The following SMPD3 variants were observed in gnomAD, a reference collection of about 807,000 sequenced individuals.
SMPD3 encodes the protein nSMase-2.
A neutral mutation model predicts 55.7 loss-of-function variants in SMPD3; 21 were observed. The ratio of observed to expected loss-of-function variants is 0.38; its 90% CI spans 0.27 to 0.54. The LOEUF is 0.54. Ranked by LOEUF, SMPD3 falls within the 20% of genes least tolerant of loss-of-function variation. The pLI is 0.80. For synonymous variants in SMPD3, 457 were observed against 404.3 expected (o/e 1.13, Z -1.56); for missense variants, 842 against 899.6 (o/e 0.94, Z 0.82).
chr16:68,372,502 G>C, intron 2 of SMPD3, 115 bp from the exon 3 acceptor site: 1 of 429,920 alleles, frequency 2.3e-6, no homozygotes. Context: ...GAGTGGGACA[G>C]TTCTGAGAAC....
intron 2 of SMPD3, among the ~76,000 whole-genome samples, chr16:68,379,146 C>T (rs1202514209): frequency 1.3e-5 from 2 of 152,260 alleles, no homozygotes; most frequent in African/African-American, 2.4e-5. Context: ...TGTGGCTCCC[C>T]GTTGACGTCC....
intron 1 of SMPD3, among the ~76,000 whole-genome samples, chr16:68,392,776 C>T (rs375233177): frequency 7.7e-6 from 1 of 130,690 alleles, no homozygotes; most frequent in African/African-American, 3.0e-5. Context: ...CACACTTGAG[C>T]CCAGGAGGCG....
At chr16:68,381,352 C>G (rs1214247629) in intron 2 of SMPD3, among the ~76,000 whole-genome samples, 1 of 152,200 alleles carries the variant, frequency 6.6e-6, no homozygotes, top group Non-Finnish European at 1.5e-5. Flanking sequence ...CAGCTCAGGC[C>G]CAACCAAGGG....
chr16:68,433,231 G>A (rs767047673), intron 1 of SMPD3, among the ~76,000 whole-genome samples: 8 of 152,168 alleles, frequency 5.3e-5, no homozygotes, highest in South Asian at 2.1e-4. Context: ...TGATTCTTTC[G>A]TAAGAACCTT....
chr16:68,402,500 G>T (rs1183054978), intron 1 of SMPD3, among the ~76,000 whole-genome samples: 1 of 152,180 alleles, frequency 6.6e-6, no homozygotes, highest in African/African-American at 2.4e-5. Flanking sequence ...GTGGTGGAAG[G>T]CGTGGTGACT....
chr16:68,380,907 T>G (rs1218963783), intron 2 of SMPD3, among the ~76,000 whole-genome samples: 1 of 152,180 alleles, frequency 6.6e-6, no homozygotes, highest in Non-Finnish European at 1.5e-5. Context: ...ACACGATGTG[T>G]AGGCATTTCA....
chr16:68,367,007 CAA>C (rs35797796), intron 3 of SMPD3, among the ~76,000 whole-genome samples: 80,322 of 129,218 alleles, frequency 0.62, 23,397 homozygotes, highest in Admixed American at 0.67. Flanking sequence ...GACTCTGTCT[CAA>C]AAAAAAAAAA....
At chr16:68,364,638 T>C (rs1382786164) in intron 5 of SMPD3, 113 bp downstream of exon 5, 1 of 1,236,768 alleles carries the variant, frequency 8.1e-7, no homozygotes. Context: ...CCCGCCCACA[T>C]GCTCTCGAGG....
intron 1 of SMPD3, among the ~76,000 whole-genome samples, chr16:68,422,844 G>A (rs1416303541): frequency 6.6e-5 from 10 of 152,130 alleles, no homozygotes; most frequent in Admixed American, 6.5e-4. Flanking sequence ...GTTAAAGTGA[G>A]GAGGTTAATG....
At chr16:68,413,171 G>A (rs1020219448) in intron 1 of SMPD3, among the ~76,000 whole-genome samples, 1 of 152,254 alleles carries the variant, frequency 6.6e-6, no homozygotes, top group Non-Finnish European at 1.5e-5. Context: ...TTTCGGTGAT[G>A]TTTTCCAGGG....
At chr16:68,415,874 G>C (rs995015288) in intron 1 of SMPD3, among the ~76,000 whole-genome samples, 5 of 148,164 alleles carry the variant, frequency 3.4e-5, no homozygotes, top group Admixed American at 1.4e-4. Flanking sequence ...GACATATTCT[G>C]CCTCACAAAG....
At chr16:68,396,289 C>T (rs1191836808) in intron 1 of SMPD3, among the ~76,000 whole-genome samples, 2 of 152,142 alleles carry the variant, frequency 1.3e-5, no homozygotes, top group East Asian at 3.9e-4. Context: ...TCTCCCTCTA[C>T]CCCCAGGATC....
At chr16:68,410,990 C>T (rs1471173277) in intron 1 of SMPD3, among the ~76,000 whole-genome samples, 1 of 152,232 alleles carries the variant, frequency 6.6e-6, no homozygotes, top group Non-Finnish European at 1.5e-5. Flanking sequence ...AATGGGCGGG[C>T]ATCATCAGCT....
chr16:68,408,592 T>C (rs1358316359), intron 1 of SMPD3, among the ~76,000 whole-genome samples: 1 of 152,252 alleles, frequency 6.6e-6, no homozygotes, highest in East Asian at 1.9e-4. Flanking sequence ...AGCATATTGC[T>C]GAATGAATCA....
At chr16:68,414,241 C>A (rs1483593521) in intron 1 of SMPD3, among the ~76,000 whole-genome samples, 1 of 152,220 alleles carries the variant, frequency 6.6e-6, no homozygotes, top group African/African-American at 2.4e-5. Flanking sequence ...TGAAGCTGAG[C>A]AAGAGAAGGG....
At chr16:68,386,815 C>T (rs891453987) in intron 1 of SMPD3, among the ~76,000 whole-genome samples, 156 bp from the exon 2 acceptor site, 12 of 152,288 alleles carry the variant, frequency 7.9e-5, no homozygotes, top group South Asian at 2.1e-4. Context: ...GTCGCCAGGG[C>T]GAGGGTGTGT....
chr16:68,379,245 A>G (rs950264252), intron 2 of SMPD3, among the ~76,000 whole-genome samples: 1 of 152,210 alleles, frequency 6.6e-6, no homozygotes, highest in Non-Finnish European at 1.5e-5. Context: ...ATCCCTTGGG[A>G]GACCACAGTG....
At position 68,361,711 on chromosome 16, in the gene SMPD3, G is replaced by T. The variant is rs1164745755; in HGVS notation, c.1758C>A (p.Thr586=). ...EGRREYLAFP[T]SKSSGQKGRK... is the part of the protein sequence containing the mutation. ...GCCCCTTCTGGCCCGAGCTCTTGCT[G>T]GTGGGAAACGCCAGGTACTCCCTGC... is the stretch of plus-strand genomic sequence containing the variant. The change falls in exon 8 of 9, where the codon ACC becomes ACA. Residue 586 remains threonine (T), a synonymous_variant. Transcript: ENST00000219334. 3.1e-6 allele frequency: 5 copies of T among 1,612,980 alleles called. No homozygotes were observed. Among genetic ancestry groups the T allele is most frequent in the Non-Finnish European group, 4.2e-6 (5 of 1,179,980 alleles).
chr16:68,370,164 C>G (rs2089612102), intron 3 of SMPD3: 1 of 152,504 alleles, frequency 6.6e-6, no homozygotes, highest in African/African-American at 2.4e-5. Context: ...GTGTAATGAC[C>G]AAATTACCAC....
Sources: allele counts gnomAD v4.1 joint callset (sites outside exome capture counted in the v4.1 genomes callset), GRCh38; gene constraint gnomAD v4.1.1; transcripts MANE v1.5; gene names NCBI Gene and HGNC (gene_info 2026-07-23, HGNC 2026-07-21).